Variants in RBFOX2 observed in about 807,000 individuals in gnomAD.
RBFOX2 encodes the protein RNA binding protein fox-1 homolog 2.
Under a neutral mutation model 49.1 loss-of-function variants are expected in RBFOX2, and 10 were observed. The observed-to-expected ratio is 0.20, with a 90% confidence interval of 0.13 to 0.35. The LOEUF is 0.35. Ranked by LOEUF, RBFOX2 falls within the 10% of genes least tolerant of loss-of-function variation. The probability of loss-of-function intolerance (pLI) is 1.00; values close to 1 mark genes in which losing one functional copy is unlikely to be tolerated. For synonymous variants in RBFOX2, 183 were observed against 187.4 expected, an observed-to-expected ratio of 0.98 and a Z score of 0.19; for missense variants, 323 against 486.9, an observed-to-expected ratio of 0.66 and a Z score of 3.17.
chr22:35,906,841 C>A (rs1440158285), intron 1 of RBFOX2, among the ~76,000 whole-genome samples: 1 of 151,944 alleles, frequency 6.6e-6, no homozygotes, highest in Non-Finnish European at 1.5e-5. Context: ...AAACAAAAAA[C>A]CAAAAAACTT....
intron 1 of RBFOX2, among the ~76,000 whole-genome samples, chr22:35,884,234 C>T (rs541894892): frequency 6.6e-6 from 1 of 152,130 alleles, no homozygotes; most frequent in South Asian, 2.1e-4. Context: ...TGGGCTCAAG[C>T]GATCCGCCTG....
chr22:35,993,779 G>C (rs111436301), intron 1 of RBFOX2: 1 of 152,154 alleles, frequency 6.6e-6, no homozygotes, highest in African/African-American at 2.4e-5. Flanking sequence ...TTAAGGTCAG[G>C]AGTTTAAGAC....
At chr22:35,910,289 G>A (rs2149508064) in intron 1 of RBFOX2, among the ~76,000 whole-genome samples, 1 of 152,294 alleles carries the variant, frequency 6.6e-6, no homozygotes, top group East Asian at 1.9e-4. Context: ...AATTAACTTT[G>A]AGAAACACGG....
At chr22:35,936,627 T>C (rs1488305782) in intron 1 of RBFOX2, among the ~76,000 whole-genome samples, 1 of 152,154 alleles carries the variant, frequency 6.6e-6, no homozygotes, top group Non-Finnish European at 1.5e-5. Flanking sequence ...ACCATCAGAA[T>C]GTGCCTCAAA....
chr22:35,977,726 A>ATATATATATATATATATC (rs1268932524), intron 1 of RBFOX2, among the ~76,000 whole-genome samples: 4 of 9,846 alleles, frequency 4.1e-4, no homozygotes, highest in African/African-American at 7.9e-4. Context: ...AATGAACTAT[A>ATATATATATATATATATC]TATATATATA....
At chr22:35,836,998 A>C (rs1957794801) in intron 1 of RBFOX2, among the ~76,000 whole-genome samples, 1 of 152,230 alleles carries the variant, frequency 6.6e-6, no homozygotes, top group Non-Finnish European at 1.5e-5. Flanking sequence ...CCTACAACAT[A>C]CACATGAACA....
At chr22:35,795,628 CAAAAAA>C (rs139555281) in intron 2 of RBFOX2, among the ~76,000 whole-genome samples, 7 of 33,570 alleles carry the variant, frequency 2.1e-4, no homozygotes, top group Admixed American at 7.5e-4. Context: ...TGTAGAAAAG[CAAAAAA>C]AAAAAAAAAA....
intron 2 of RBFOX2, among the ~76,000 whole-genome samples, chr22:35,803,187 T>C (rs1950093259): frequency 7.0e-6 from 1 of 143,700 alleles, no homozygotes; most frequent in Non-Finnish European, 1.5e-5. Flanking sequence ...CACATGCCCA[T>C]CACAGAAAAA....
At chr22:36,014,797 G>A (rs2058970978) in intron 1 of RBFOX2, among the ~76,000 whole-genome samples, 1 of 152,122 alleles carries the variant, frequency 6.6e-6, no homozygotes, top group Admixed American at 6.5e-5. Context: ...ATTAATCATA[G>A]CATTTTTATA....
chr22:35,967,265 T>C (rs1300075924), intron 1 of RBFOX2, among the ~76,000 whole-genome samples: 2 of 152,222 alleles, frequency 1.3e-5, no homozygotes, highest in African/African-American at 4.8e-5. Context: ...TTTGTTTTCT[T>C]TTAGAAACTT....
chr22:35,894,988 A>G, intron 1 of RBFOX2, among the ~76,000 whole-genome samples: 1 of 151,134 alleles, frequency 6.6e-6, no homozygotes, highest in East Asian at 1.9e-4. Flanking sequence ...TAAAAAAAAA[A>G]AAAAGAAAAG....
At position 35,925,367 on chromosome 22, in the gene RBFOX2, C is replaced by T. The variant is rs112015524; in HGVS notation, c.-34+13480G>A. 2.3e-3 allele frequency among the ~76,000 whole-genome samples: 348 copies of T among 152,112 alleles called. 4 individuals are homozygous for T. The highest frequency in any genetic ancestry group is 7.1e-3 in the African/African-American group (295 of 41,512). ...GACGCTGTCTTTACTAAAAATAAAACATTAAAAAATTAGCTAGGCGTGGTA... is the reference window on the plus strand; with the variant it reads ...GACGCTGTCTTTACTAAAAATAAAATATTAAAAAATTAGCTAGGCGTGGTA... On this transcript the variant is annotated intron_variant, in intron 1 of 13. Transcript: ENST00000359369.
In RBFOX2 at chr22:35,992,742, C is replaced by T. The variant is rs560606084; in HGVS notation, c.186+35498G>A. The T allele has an allele frequency of 6.6e-5, 10 of 152,264 alleles. No homozygotes were observed. In the East Asian group the frequency reaches 1.7e-3, roughly 26 times the overall value. 9.4% of individuals were successfully genotyped at this position (152,264 alleles called of 1,614,324 possible). ...TTGCCTCTTGCTTCAGTATAAACTTCAGAAGTTCGAAGCTAAGCCAAAAAC... is the reference window on the plus strand; with the variant it reads ...TTGCCTCTTGCTTCAGTATAAACTTTAGAAGTTCGAAGCTAAGCCAAAAAC... On this transcript the variant is annotated intron_variant, in intron 1 of 13. Transcript: ENST00000438146.
chr22:35,966,221 T>C (rs2056550710), upstream of RBFOX2, among the ~76,000 whole-genome samples: 1 of 152,226 alleles, frequency 6.6e-6, no homozygotes, highest in Admixed American at 6.5e-5. Flanking sequence ...TATAAATATA[T>C]CATAATTTAC....
intron 1 of RBFOX2, among the ~76,000 whole-genome samples, chr22:35,839,578 G>C (rs188657508): frequency 6.6e-6 from 1 of 152,296 alleles, no homozygotes; most frequent in East Asian, 1.9e-4. Context: ...TATACATTCA[G>C]ATTCGTTCTC....
intron 1 of RBFOX2, among the ~76,000 whole-genome samples, chr22:35,862,197 A>T (rs2043167304): frequency 6.6e-6 from 1 of 152,152 alleles, no homozygotes; most frequent in South Asian, 2.1e-4. Context: ...TATGTTAATT[A>T]TCTTGGTTGT....
At chr22:35,807,764 G>GA (rs1468363896) in intron 2 of RBFOX2, among the ~76,000 whole-genome samples, 1 of 150,916 alleles carries the variant, frequency 6.6e-6, no homozygotes, top group Non-Finnish European at 1.5e-5. Context: ...AAATAAAATA[G>GA]AAAAACAACA....
At chr22:36,025,607 C>A (rs995948507) in intron 1 of RBFOX2, among the ~76,000 whole-genome samples, 1 of 152,116 alleles carries the variant, frequency 6.6e-6, no homozygotes, top group African/African-American at 2.4e-5. Flanking sequence ...TAAGTATATT[C>A]ATGTAATACT....
chr22:35,750,034 G>A (rs1934305568), intron 9 of RBFOX2, among the ~76,000 whole-genome samples: 1 of 152,210 alleles, frequency 6.6e-6, no homozygotes, highest in African/African-American at 2.4e-5. Flanking sequence ...CAGCCACAAC[G>A]ACCTGGTATT....
Sources: gnomAD v4.1 joint callset for allele counts (sites outside exome capture counted in the v4.1 genomes callset) on GRCh38, gnomAD v4.1.1 for gene constraint, MANE v1.5 for transcripts, NCBI Gene and HGNC (gene_info 2026-07-23, HGNC 2026-07-21) for gene names.